The following NTM variants were observed in gnomAD, a reference collection of about 807,000 sequenced individuals.
The protein encoded by NTM is IgLON family member 2.
In NTM, 13 loss-of-function variants were observed where a neutral mutation model predicts 42.1. The observed-to-expected ratio is 0.31, with a 90% CI of 0.20 to 0.49. NTM has a LOEUF of 0.49. Ranked by LOEUF, NTM falls within the 20% of genes least tolerant of loss-of-function variation. NTM has a pLI of 0.99. For missense variants in NTM, 373 were observed against 452.8 expected, an observed-to-expected ratio of 0.82 and a Z score of 1.60; for synonymous variants, 187 against 179.2, an observed-to-expected ratio of 1.04 and a Z score of -0.35.
In NTM at chr11:132,278,269, T is replaced by G. The variant is rs200789282; in HGVS notation, c.527-29420T>G. 7.2e-5 allele frequency among the ~76,000 whole-genome samples: 11 copies of G among 152,324 alleles called. No individual in the cohort carries two copies. In the East Asian group the frequency reaches 1.5e-3, roughly 21 times the overall value. On this transcript the variant is annotated intron_variant, in intron 4 of 8. Transcript: ENST00000683400. ...TCATTGTATTATGCTCTCAGATACTTTGGGTCAGGGATTTGTGTTGGACAC... is the reference window on the plus strand; with the variant it reads ...TCATTGTATTATGCTCTCAGATACTGTGGGTCAGGGATTTGTGTTGGACAC...
chr11:132,243,457 T>C (rs1163812050), intron 4 of NTM, among the ~76,000 whole-genome samples: 1 of 152,202 alleles, frequency 6.6e-6, no homozygotes, highest in African/African-American at 2.4e-5. Flanking sequence ...TTGCTCTGAA[T>C]AATTCTCTGT....
At chr11:132,251,425 G>T (rs980987637) in intron 4 of NTM, among the ~76,000 whole-genome samples, 1 of 152,168 alleles carries the variant, frequency 6.6e-6, no homozygotes, top group Non-Finnish European at 1.5e-5. Flanking sequence ...GTCTCATCCA[G>T]TTCCTTTGGT....
At chr11:131,988,363 T>C (rs1041123410) in intron 2 of NTM, among the ~76,000 whole-genome samples, 1 of 152,216 alleles carries the variant, frequency 6.6e-6, no homozygotes, top group Non-Finnish European at 1.5e-5. Context: ...AAGGAACATT[T>C]GCACAACGGA....
intron 1 of NTM, among the ~76,000 whole-genome samples, chr11:131,462,479 G>T (rs1001466780): frequency 6.6e-5 from 10 of 152,196 alleles, no homozygotes; most frequent in African/African-American, 2.4e-4. Context: ...GAGGGCTGGG[G>T]TCAGCCTTAT....
chr11:131,716,268 C>T (rs1335802127), intron 1 of NTM, among the ~76,000 whole-genome samples: 1 of 152,104 alleles, frequency 6.6e-6, no homozygotes. Context: ...CCCAAAAGAC[C>T]CTACCTTCTA....
chr11:132,213,517 GT>G (rs1221970754), intron 4 of NTM, among the ~76,000 whole-genome samples: 1 of 152,094 alleles, frequency 6.6e-6, no homozygotes, highest in African/African-American at 2.4e-5. Context: ...CGGTCCTTCT[GT>G]GAGGCATAAG....
At chr11:131,757,277 T>C (rs1458564101) in intron 1 of NTM, among the ~76,000 whole-genome samples, 1 of 152,222 alleles carries the variant, frequency 6.6e-6, no homozygotes, top group Non-Finnish European at 1.5e-5. Flanking sequence ...AGATGTCCTG[T>C]CATTGCTAAT....
chr11:131,456,529 G>A (rs767304504), intron 1 of NTM, among the ~76,000 whole-genome samples: 1 of 152,202 alleles, frequency 6.6e-6, no homozygotes. Flanking sequence ...CAGAAAGCCA[G>A]TGTGGCTCTT....
intron 1 of NTM, among the ~76,000 whole-genome samples, chr11:131,403,502 C>CAGAA (rs201920796): frequency 6.6e-6 from 1 of 151,876 alleles, no homozygotes; most frequent in South Asian, 2.1e-4. Context: ...ATATTGCTGG[C>CAGAA]AGAAAGAAAG....
At chr11:132,320,702 T>A (rs1240169534) in intron 7 of NTM, among the ~76,000 whole-genome samples, 3 of 152,098 alleles carry the variant, frequency 2.0e-5, no homozygotes, top group Non-Finnish European at 4.4e-5. Context: ...CCTGCCTCTG[T>A]AGGCTCCACC....
intron 2 of NTM, among the ~76,000 whole-genome samples, chr11:132,028,563 G>C (rs549496801): frequency 5.3e-5 from 8 of 152,022 alleles, no homozygotes; most frequent in African/African-American, 7.3e-5. Flanking sequence ...CCATGGGTGT[G>C]GGGGGAGGGA....
chr11:132,315,152 C>A, intron 7 of NTM: 1 of 852,992 alleles, frequency 1.2e-6, no homozygotes, highest in Non-Finnish European at 1.4e-6. Context: ...TAGTCAAGAA[C>A]TCAGAGGGGA....
At chr11:131,660,192 G>C (rs2067801306) in intron 1 of NTM, 1 of 255,458 alleles carries the variant, frequency 3.9e-6, no homozygotes, top group Admixed American at 4.2e-5. Context: ...GGACTCGGGT[G>C]GGCCAGTTTG....
chr11:132,248,355 C>T (rs1275045652), intron 4 of NTM, among the ~76,000 whole-genome samples: 4 of 152,078 alleles, frequency 2.6e-5, no homozygotes, highest in Admixed American at 6.5e-5. Flanking sequence ...TATCCTCCTA[C>T]ACTATAATTT....
At chr11:131,779,153 A>G (rs2087599560) in intron 1 of NTM, among the ~76,000 whole-genome samples, 1 of 152,202 alleles carries the variant, frequency 6.6e-6, no homozygotes, top group Admixed American at 6.5e-5. Context: ...CAAGGACCTC[A>G]GTTCCAACGC....
At chr11:132,076,118 C>A (rs2058332083) in intron 2 of NTM, among the ~76,000 whole-genome samples, 1 of 152,172 alleles carries the variant, frequency 6.6e-6, no homozygotes, top group African/African-American at 2.4e-5. Context: ...CCAACTGTAA[C>A]CTGTTTTTAG....
intron 1 of NTM, among the ~76,000 whole-genome samples, chr11:131,865,376 A>G (rs1470651886): frequency 1.3e-5 from 2 of 152,214 alleles, no homozygotes; most frequent in East Asian, 3.8e-4. Flanking sequence ...GGGAGTGTCC[A>G]GAAGACCCCT....
intron 1 of NTM, among the ~76,000 whole-genome samples, chr11:131,469,731 A>G (rs1952248757): frequency 6.6e-6 from 1 of 152,214 alleles, no homozygotes; most frequent in Non-Finnish European, 1.5e-5. Flanking sequence ...TCTCATCTAT[A>G]AAGTAGAAAA....
chr11:131,460,739 A>G (rs577541786), intron 1 of NTM, among the ~76,000 whole-genome samples: 106 of 152,270 alleles, frequency 7.0e-4, no homozygotes, highest in Middle Eastern at 3.4e-3. Flanking sequence ...TTTTTAATAG[A>G]GACGGGGTTT....
Sources: allele counts gnomAD v4.1 joint callset (sites outside exome capture counted in the v4.1 genomes callset), GRCh38; gene constraint gnomAD v4.1.1; transcripts MANE v1.5; gene names NCBI Gene and HGNC (gene_info 2026-07-23, HGNC 2026-07-21).